Variants in CAMK2G observed in about 807,000 individuals in gnomAD.
CAMK2G encodes calcium/calmodulin-dependent protein kinase type II subunit gamma.
In CAMK2G, 23 loss-of-function variants were observed where a neutral mutation model predicts 88.7. The ratio of observed to expected loss-of-function variants is 0.26; its 90% CI spans 0.19 to 0.37. The LOEUF (loss-of-function observed/expected upper bound fraction) is 0.37. Among genes scored for constraint, CAMK2G ranks in the 10% least tolerant of loss-of-function variants. CAMK2G has a pLI of 1.00. For missense variants in CAMK2G, 476 were observed against 780.8 expected, an observed-to-expected ratio of 0.61 and a Z score of 4.65; for synonymous variants, 263 against 294.8, an observed-to-expected ratio of 0.89 and a Z score of 1.11.
chr10:73,839,873 G>A lies in CAMK2G; in HGVS notation c.947-272C>T, dbSNP rs1292572139. 3.3e-5 allele frequency among the ~76,000 whole-genome samples: 5 copies of A among 152,158 alleles called. No homozygotes were observed. Among genetic ancestry groups the A allele is most frequent in the South Asian group, 2.1e-4 (1 of 4,826 alleles). Reference sequence around the variant, plus strand: ...CAGTGCCTGTCTCATGACCCCCTCCGGAGGAGGGTCCACAGCGAAATGCCT... The same window carrying A: ...CAGTGCCTGTCTCATGACCCCCTCCAGAGGAGGGTCCACAGCGAAATGCCT... On this transcript the variant is annotated intron_variant, in intron 12 of 22. Transcript: ENST00000423381. This position sits in a 1 kb window ranked among gnomAD's most constrained non-coding sequence, Gnocchi z 4.2.
rs1243870956 is a variant in CAMK2G, at chr10:73,815,191, C to G, written c.1591G>C (p.Val531Leu). 6.2e-7 allele frequency: 1 copy of G among 1,614,134 alleles called. No homozygotes were observed. Among genetic ancestry groups the G allele is most frequent in the Non-Finnish European group, 8.5e-7 (1 of 1,180,042 alleles). ...ATGCACGCTGCGTCCTCCCCAATCA[C>G]GTGGACGTGTGGGTTTAGGATGGTG... ...HTTILNPHVH[V>L]IGEDAACIAY... The change falls in exon 22 of 23, where the codon GTG (valine) becomes CTG (leucine). Residue 531 changes from valine (V) to leucine (L), a missense_variant. Coordinates refer to ENST00000423381, the MANE Select transcript of CAMK2G (RefSeq NM_001367534.1).
intron 3 of CAMK2G, among the ~76,000 whole-genome samples, chr10:73,854,819 G>C (rs1335796730): frequency 6.6e-6 from 1 of 152,130 alleles, no homozygotes; most frequent in East Asian, 1.9e-4. Flanking sequence ...TGATGACTGA[G>C]GACTCCGAAG....
At chr10:73,854,790 C>T (rs574825108) in intron 3 of CAMK2G, among the ~76,000 whole-genome samples, 1 of 152,154 alleles carries the variant, frequency 6.6e-6, no homozygotes, top group African/African-American at 2.4e-5. Context: ...ACCACTATAG[C>T]CCCCTTGTTC....
intron 14 of CAMK2G, among the ~76,000 whole-genome samples, chr10:73,829,513 T>A (rs1046498898): frequency 2.6e-5 from 4 of 152,044 alleles, no homozygotes; most frequent in Admixed American, 2.6e-4. Flanking sequence ...TTGGCCAGGC[T>A]GGTCTCGAAT....
intron 19 of CAMK2G, chr10:73,817,784 GTTCTT>G: frequency 3.6e-6 from 2 of 561,664 alleles, no homozygotes; most frequent in Non-Finnish European, 3.2e-6. Flanking sequence ...ATTAGTTATG[GTTCTT>G]TGGCCTTTGC....
At position 73,874,462 on chromosome 10, in the gene CAMK2G, GC is replaced by G; in HGVS notation, c.-2del. On this transcript the variant is annotated 5_prime_UTR_variant, in exon 1 of 23. Coordinates refer to ENST00000423381, the MANE Select transcript of CAMK2G (RefSeq NM_001367534.1). ...GGGTGCAGGTGGCGGTGGTGGCCAT[GC>G]TGGCGGGCGGGCGGACGCGGCGGTG... 6.7e-7 allele frequency: 1 copy of G among 1,499,984 alleles called. No homozygotes were observed. The highest frequency in any genetic ancestry group is 9.0e-7 in the Non-Finnish European group (1 of 1,114,192). The allele number at this position is 1,499,984 out of a possible 1,614,324, so 92.9% of individuals were successfully genotyped here.
intron 14 of CAMK2G, 47 bp downstream of exon 14, chr10:73,837,421 C>A (rs781048405): frequency 1.3e-6 from 2 of 1,486,246 alleles, no homozygotes; most frequent in South Asian, 2.3e-5. Flanking sequence ...CCCATAGTGA[C>A]TGCGGGGAGA....
At chr10:73,870,181 C>T (rs1227549557) in intron 2 of CAMK2G, among the ~76,000 whole-genome samples, 1 of 152,170 alleles carries the variant, frequency 6.6e-6, no homozygotes, top group Non-Finnish European at 1.5e-5. Flanking sequence ...CTTATCATTG[C>T]CATCACCTGG....
chr10:73,815,301 T>A, intron 21 of CAMK2G, 54 bp from the exon 22 acceptor site: 1 of 1,176,396 alleles, frequency 8.5e-7, no homozygotes, highest in Non-Finnish European at 1.3e-6. Context: ...CACCTGCATT[T>A]TCCTCCCAGC....
chr10:73,863,662 T>G (rs2095475136), intron 2 of CAMK2G, among the ~76,000 whole-genome samples: 1 of 152,178 alleles, frequency 6.6e-6, no homozygotes, highest in Non-Finnish European at 1.5e-5. Context: ...TCTCCTTCCT[T>G]AAGTCTCTTA....
intron 14 of CAMK2G, among the ~76,000 whole-genome samples, chr10:73,834,210 G>A (rs942719727): frequency 1.3e-5 from 2 of 152,136 alleles, no homozygotes; most frequent in Non-Finnish European, 2.9e-5. Flanking sequence ...GAGCCACCAC[G>A]CCCAGCTTCT....
At chr10:73,853,919 C>G (rs983215249) in intron 3 of CAMK2G, among the ~76,000 whole-genome samples, 1 of 152,230 alleles carries the variant, frequency 6.6e-6, no homozygotes, top group East Asian at 1.9e-4. Context: ...TCAGGAGGAA[C>G]AGACAGAGTG....
At chr10:73,871,796 G>T (rs750016750) in intron 2 of CAMK2G, among the ~76,000 whole-genome samples, 7 of 152,180 alleles carry the variant, frequency 4.6e-5, no homozygotes, top group Admixed American at 6.5e-5. Context: ...CTACTAGAGG[G>T]ATGGAGAGAG....
chr10:73,831,843 G>C (rs1385202248), intron 14 of CAMK2G, among the ~76,000 whole-genome samples: 1 of 152,024 alleles, frequency 6.6e-6, no homozygotes, highest in African/African-American at 2.4e-5. Flanking sequence ...CAGGGGGACA[G>C]AGTGAGACCC....
Position 73,826,026 on chromosome 10 carries a change from C to T in CAMK2G, c.1087-679G>A, listed in dbSNP as rs1012181651. On this transcript the variant is annotated intron_variant, in intron 15 of 22. Transcript: ENST00000423381. ...CCGGGGAGGGGCAGGTGAAACCCAG[C>T]GGGGCTGTAGCTGTAGTCCCAGAAT... Among the ~76,000 whole-genome samples the T allele has an allele frequency of 8.5e-5, 13 of 152,116 alleles. No individual in the cohort carries two copies. In the South Asian group the frequency reaches 1.7e-3, roughly 19 times the overall value.
chr10:73,854,319 C>CT (rs1483930724), intron 3 of CAMK2G, among the ~76,000 whole-genome samples: 1 of 152,168 alleles, frequency 6.6e-6, no homozygotes, highest in Admixed American at 6.5e-5. Context: ...CTCCAAAGCT[C>CT]TTGGGTAAAA....
At chr10:73,847,197 C>G (rs1372917422) in intron 10 of CAMK2G, 28 bp downstream of exon 10, 3 of 1,612,366 alleles carry the variant, frequency 1.9e-6, no homozygotes, top group Non-Finnish European at 1.7e-6. Flanking sequence ...CACCCCTGAG[C>G]TCCTTGGCCA....
chr10:73,823,919 A>G, intron 17 of CAMK2G, 121 bp downstream of exon 17: 2 of 787,162 alleles, frequency 2.5e-6, no homozygotes, highest in Non-Finnish European at 2.3e-6. Flanking sequence ...GGCACAGGCT[A>G]CCTTCAGCTG....
In CAMK2G at chr10:73,839,646, C is replaced by T. The variant is rs536619367; in HGVS notation, c.947-45G>A. ...CAGTGCACAGAGCCCCGCAAAGCCA[C>T]GGGGCCGTCAGCAGCGAGCATGCCC... On this transcript the variant is annotated intron_variant, in intron 12 of 22. Transcript: ENST00000423381. The surrounding 1 kb of genome is among the most constrained non-coding windows in gnomAD (Gnocchi z 4.2). 499 of 1,150,344 alleles carry T rather than the reference C, an allele frequency of 4.3e-4. 5 individuals are homozygous for T. Among genetic ancestry groups the T allele is most frequent in the East Asian group, 2.3e-3 (73 of 31,176 alleles). The allele number at this position is 1,150,344 out of a possible 1,614,324, so 71.3% of individuals were successfully genotyped here.
Sources: allele counts gnomAD v4.1 joint callset (sites outside exome capture counted in the v4.1 genomes callset), GRCh38; gene constraint gnomAD v4.1.1; non-coding constraint Gnocchi (gnomAD v3.1); transcripts MANE v1.5; gene names NCBI Gene and HGNC (gene_info 2026-07-23, HGNC 2026-07-21).